CAST: variants seen among roughly 807,000 people sequenced by gnomAD.
CAST encodes the protein MIR583 host.
CAST carries 76 observed loss-of-function variants against 119.6 expected under a neutral mutation model. The ratio of observed to expected loss-of-function variants is 0.64; its 90% CI spans 0.53 to 0.77. The LOEUF (loss-of-function observed/expected upper bound fraction) is 0.77. Among genes scored for constraint, CAST ranks in the 30% least tolerant of loss-of-function variants. The probability of loss-of-function intolerance (pLI) is 0.00; values close to 1 mark genes in which losing one functional copy is unlikely to be tolerated. For missense variants in CAST, 953 were observed against 946.5 expected, an observed-to-expected ratio of 1.01 and a Z score of -0.09; for synonymous variants, 319 against 331.6, an observed-to-expected ratio of 0.96 and a Z score of 0.41.
intron 1 of CAST, among the ~76,000 whole-genome samples, chr5:96,532,748 G>A (rs190355327): frequency 6.6e-6 from 1 of 152,290 alleles, no homozygotes; most frequent in African/African-American, 2.4e-5. Context: ...TACTTGGGTG[G>A]CTGAAGCAGG....
At chr5:96,545,433 G>C (rs1332724381) in intron 1 of CAST, 1 of 152,212 alleles carries the variant, frequency 6.6e-6, no homozygotes, top group Non-Finnish European at 1.5e-5. Flanking sequence ...TGAGTTTACA[G>C]ATAGTAGGGC....
At chr5:96,283,420 ATTT>A in the CAST span, among the ~76,000 whole-genome samples, 1 of 152,158 alleles carries the variant, frequency 6.6e-6, no homozygotes, top group East Asian at 1.9e-4. Context: ...TTTCACAGAT[ATTT>A]TGGTCATCTG....
At chr5:96,683,095 G>A (rs2150270153) in intron 2 of CAST, among the ~76,000 whole-genome samples, 1 of 152,272 alleles carries the variant, frequency 6.6e-6, no homozygotes, top group African/African-American at 2.4e-5. Flanking sequence ...AATAAAGATA[G>A]GTTGCCTCAT....
At chr5:96,114,383 T>C in the CAST span, among the ~76,000 whole-genome samples, 2,408 of 152,278 alleles carry the variant, frequency 0.016, 52 homozygotes, top group African/African-American at 0.054. Flanking sequence ...TGTATGTACA[T>C]TGAAGTTTGA....
At chr5:96,434,872 A>G in the CAST span, among the ~76,000 whole-genome samples, 3 of 152,358 alleles carry the variant, frequency 2.0e-5, no homozygotes. Context: ...AAGCATCTTT[A>G]CAAAATCAAA....
At chr5:96,217,348 AT>A in the CAST span, among the ~76,000 whole-genome samples, 1,154 of 144,274 alleles carry the variant, frequency 8.0e-3, 7 homozygotes, top group Middle Eastern at 0.014. Context: ...GCCAAATTAA[AT>A]TTTTTTTTTT....
At chr5:96,244,229 A>ACTTT in the CAST span, among the ~76,000 whole-genome samples, 9 of 152,332 alleles carry the variant, frequency 5.9e-5, no homozygotes, top group Non-Finnish European at 8.8e-5. Context: ...AAATAAAATG[A>ACTTT]CTTTCTATTT....
the CAST span, among the ~76,000 whole-genome samples, chr5:95,971,315 A>G: frequency 6.6e-6 from 1 of 152,166 alleles, no homozygotes; most frequent in East Asian, 1.9e-4. Context: ...AGATTAATTA[A>G]ATGTAATTTT....
At chr5:96,219,729 A>G in the CAST span, among the ~76,000 whole-genome samples, 12 of 151,692 alleles carry the variant, frequency 7.9e-5, no homozygotes, top group Non-Finnish European at 4.4e-5. Flanking sequence ...AGGAGAAAGC[A>G]AGAAAGGGAA....
chr5:96,252,477 T>C, the CAST span, among the ~76,000 whole-genome samples: 1 of 152,102 alleles, frequency 6.6e-6, no homozygotes, highest in Non-Finnish European at 1.5e-5. Context: ...TACCTTTGCA[T>C]TGTTTTTTGA....
At chr5:96,749,705 C>T (rs1206846358) in intron 19 of CAST, among the ~76,000 whole-genome samples, 3 of 152,122 alleles carry the variant, frequency 2.0e-5, no homozygotes, top group Non-Finnish European at 4.4e-5. Context: ...TGCCACCATG[C>T]CTGGCTAATT....
the CAST span, among the ~76,000 whole-genome samples, chr5:96,014,393 T>C: frequency 6.6e-6 from 1 of 152,112 alleles, no homozygotes; most frequent in African/African-American, 2.4e-5. Flanking sequence ...TTATTATAAG[T>C]AGGAGTACAC....
the CAST span, among the ~76,000 whole-genome samples, chr5:96,152,157 G>A: frequency 6.6e-6 from 1 of 152,196 alleles, no homozygotes; most frequent in Admixed American, 6.5e-5. Context: ...AGTAATCGAG[G>A]TAAGATGTCA....
Position 96,766,735 on chromosome 5 carries a change from A to G in CAST, c.2130+590A>G, listed in dbSNP as rs534236550. Among the ~76,000 whole-genome samples the G allele has an allele frequency of 5.9e-5, 9 of 152,260 alleles. No homozygotes were observed. The South Asian group carries it at 1.9e-3, about 32-fold the overall frequency. ...CAGGCCTGTCCCCCACCTCTTTCCT[A>G]TTTAGTTTCTAATTTTTGAGTCAAT... is the stretch of plus-strand genomic sequence containing the variant. On this transcript the variant is annotated intron_variant, in intron 27 of 31. Coordinates refer to ENST00000675179, the MANE Select transcript of CAST (RefSeq NM_001750.7).
At chr5:96,145,895 T>A in the CAST span, among the ~76,000 whole-genome samples, 1 of 152,092 alleles carries the variant, frequency 6.6e-6, no homozygotes, top group Non-Finnish European at 1.5e-5. Flanking sequence ...ACTTACATAG[T>A]GGATGGTTGA....
At chr5:96,757,682 CT>C in intron 24 of CAST, 28 bp downstream of exon 24, 1 of 1,258,928 alleles carries the variant, frequency 7.9e-7, no homozygotes, top group Non-Finnish European at 1.1e-6. Flanking sequence ...GGTTTTATTT[CT>C]TTAGTTTTTT....
chr5:96,531,723 T>C (rs918093462), intron 1 of CAST, among the ~76,000 whole-genome samples: 3 of 152,158 alleles, frequency 2.0e-5, no homozygotes, highest in Non-Finnish European at 2.9e-5. Context: ...ATTTAACATA[T>C]GGAATAGAAA....
the CAST span, among the ~76,000 whole-genome samples, chr5:96,124,759 G>T: frequency 1.3e-5 from 2 of 152,092 alleles, no homozygotes; most frequent in Non-Finnish European, 1.5e-5. Context: ...TTTAAACATT[G>T]TTCTCATATA....
the CAST span, among the ~76,000 whole-genome samples, chr5:96,176,713 T>C: frequency 6.6e-6 from 1 of 152,238 alleles, no homozygotes; most frequent in Admixed American, 6.5e-5. Context: ...CTGGCTTTTC[T>C]TTCTTCCTGA....
Sources: gnomAD v4.1 joint callset for allele counts (sites outside exome capture counted in the v4.1 genomes callset) on GRCh38, gnomAD v4.1.1 for gene constraint, MANE v1.5 for transcripts, NCBI Gene and HGNC (gene_info 2026-07-23, HGNC 2026-07-21) for gene names.